TMC5: variants seen among roughly 807,000 people sequenced by gnomAD.
TMC5 encodes transmembrane channel-like protein 5.
Under a neutral mutation model 110.5 loss-of-function variants are expected in TMC5, and 86 were observed. That is an observed-to-expected ratio of 0.78 (90% CI 0.65 to 0.93). The LOEUF (loss-of-function observed/expected upper bound fraction) is 0.93, where lower values mean the gene tolerates loss of function less well. TMC5 is among the 40% of genes least tolerant of loss of function. TMC5 has a pLI of 0.00. For synonymous variants in TMC5, 455 were observed against 439.5 expected (o/e 1.04, Z -0.44); for missense variants, 1,144 against 1,222.8 (o/e 0.94, Z 0.96).
At chr16:19,441,687 G>C (rs374846424) in intron 3 of TMC5, among the ~76,000 whole-genome samples, 39 of 152,230 alleles carry the variant, frequency 2.6e-4, no homozygotes, top group African/African-American at 8.9e-4. Flanking sequence ...CTGCAGATTT[G>C]ATTCACTGAT....
intron 1 of TMC5, chr16:19,411,187 T>G (rs1484243579): frequency 1.3e-5 from 2 of 152,240 alleles, no homozygotes; most frequent in Admixed American, 6.5e-5. Context: ...GTAAGTTTTT[T>G]ATCTGAGCAG....
intron 2 of TMC5, among the ~76,000 whole-genome samples, chr16:19,430,922 G>A (rs940509810): frequency 4.1e-5 from 6 of 145,482 alleles, no homozygotes; most frequent in Admixed American, 3.5e-4. Context: ...GCAGTGGCAC[G>A]GTCTCAGCTC....
intron 5 of TMC5, chr16:19,456,903 G>A: frequency 6.2e-7 from 1 of 1,614,210 alleles, no homozygotes; most frequent in Non-Finnish European, 8.5e-7. Flanking sequence ...GACCAAAAGG[G>A]TAACCAGGTG....
chr16:19,411,431 C>T (rs1246228515), intron 1 of TMC5: 1 of 152,136 alleles, frequency 6.6e-6, no homozygotes, highest in Non-Finnish European at 1.5e-5. Flanking sequence ...ATAGGGTCTC[C>T]TGGTCCTATT....
chr16:19,432,027 T>C (rs533913911), intron 2 of TMC5, among the ~76,000 whole-genome samples: 18 of 152,248 alleles, frequency 1.2e-4, no homozygotes, highest in Non-Finnish European at 2.4e-4. Context: ...GTGAGATCAT[T>C]TTGGTGGTGC....
chr16:19,489,287 A>C (rs1968826542), intron 17 of TMC5, among the ~76,000 whole-genome samples: 1 of 152,052 alleles, frequency 6.6e-6, no homozygotes, highest in Non-Finnish European at 1.5e-5. Flanking sequence ...CAGCCTCCCG[A>C]GTAGCTGGGA....
intron 2 of TMC5, among the ~76,000 whole-genome samples, chr16:19,431,533 C>G (rs1020929441): frequency 6.7e-6 from 1 of 149,194 alleles, no homozygotes; most frequent in African/African-American, 2.5e-5. Context: ...CAGGAGGGAC[C>G]TTCCATCTCA....
At chr16:19,465,984 G>T in intron 8 of TMC5, 98 bp from the exon 9 acceptor site, 1 of 1,337,990 alleles carries the variant, frequency 7.5e-7, no homozygotes. Context: ...GACTGGCCCA[G>T]GCTTCTTGTA....
intron 2 of TMC5, among the ~76,000 whole-genome samples, chr16:19,434,399 TATATATC>T: frequency 8.3e-6 from 1 of 120,344 alleles, no homozygotes. Context: ...AGATATAATA[TATATATC>T]ATATATATCT....
At chr16:19,441,245 G>A (rs538502018) in intron 3 of TMC5, among the ~76,000 whole-genome samples, 6 of 151,602 alleles carry the variant, frequency 4.0e-5, no homozygotes, top group South Asian at 2.1e-4. Context: ...ATCTAACTCC[G>A]TGAAGTCGAT....
Position 19,463,800 on chromosome 16 carries a change from C to G in TMC5, c.1261C>G (p.Leu421Val). 1 of 1,614,162 alleles carries G rather than the reference C, an allele frequency of 6.2e-7. No individual in the cohort carries two copies. The highest frequency in any genetic ancestry group is 8.5e-7 in the Non-Finnish European group (1 of 1,179,998). ...SRAYRRSKNS[L>V]SEILNSISLW... is the part of the protein sequence containing the mutation. ...GGCTTATCGGAGATCCAAGAACAGC[C>G]TGTCGGAAATTCTGAATTCCATCAG... Residue 421 changes from leucine to valine, a missense_variant, in exon 8 of 22, where the codon CTG becomes GTG. Transcript: ENST00000542583.
intron 2 of TMC5, among the ~76,000 whole-genome samples, chr16:19,432,862 TATCTA>T (rs1181144766): frequency 6.6e-6 from 1 of 152,210 alleles, no homozygotes; most frequent in Non-Finnish European, 1.5e-5. Context: ...TTTATCTGTC[TATCTA>T]ATCTATGTGT....
chr16:19,474,894 G>A (rs199599253), intron 12 of TMC5: 1 of 152,244 alleles, frequency 6.6e-6, no homozygotes, highest in East Asian at 1.9e-4. Flanking sequence ...GGTACCCACT[G>A]CCTCAGGCGG....
At chr16:19,442,008 G>T (rs977471985) in intron 3 of TMC5, among the ~76,000 whole-genome samples, 3 of 152,096 alleles carry the variant, frequency 2.0e-5, no homozygotes, top group Non-Finnish European at 4.4e-5. Flanking sequence ...TCTCCACGTT[G>T]GTCAGGCTGG....
In TMC5 at chr16:19,479,476, A is replaced by C. The variant is rs770960643; in HGVS notation, c.2215A>C (p.Met739Leu). ...IGQDIYRLLL[M>L]DFVFSLVNSF... is the part of the protein sequence containing the mutation. ...CCAGGACATCTACCGGCTCCTTCTG[A>C]TGGATTTTGTGTTCTCTTTAGTCAA... Residue 739 changes from methionine (M) to leucine (L), a missense_variant, in exon 14 of 22, where the codon ATG becomes CTG. Transcript: ENST00000542583. The C allele has an allele frequency of 2.4e-5, 38 of 1,613,766 alleles. No homozygotes were observed. The South Asian group carries it at 3.4e-4, about 14-fold the overall frequency.
rs1966855881 is a variant in TMC5, at chr16:19,411,576, A to G, written c.-308+400A>G. ...TCTAATCCAGGTCCCACCATTTCTCAGAAGGGTGAACTTGGGTTTGCCACT... is the reference window on the plus strand; with the variant it reads ...TCTAATCCAGGTCCCACCATTTCTCGGAAGGGTGAACTTGGGTTTGCCACT... On this transcript the variant is annotated intron_variant, in intron 1 of 20. Coordinates refer to the TMC5 transcript ENST00000381414. The G allele has an allele frequency of 1.3e-5, 2 of 152,212 alleles. 1 individual carries two copies. The highest frequency in any genetic ancestry group is 4.1e-4 in the South Asian group (2 of 4,828). The allele number at this position is 152,212 out of a possible 1,614,324, so 9.4% of individuals were successfully genotyped here.
rs770810667 is a variant in TMC5, at chr16:19,472,057, A to G, written c.1783-31A>G. On this transcript the variant is annotated intron_variant, in intron 10 of 21. Coordinates refer to ENST00000542583, the MANE Select transcript of TMC5 (RefSeq NM_001261841.2). ...ATTACAGGCGTGAGCCACCATGCCC[A>G]GCCATAAACTTGACTTTCTTATGTT... The G allele has an allele frequency of 6.8e-6, 11 of 1,606,720 alleles. 1 individual carries two copies. In the South Asian group the frequency reaches 1.2e-4, roughly 18 times the overall value.
intron 20 of TMC5, among the ~76,000 whole-genome samples, chr16:19,496,804 C>A (rs1181344320): frequency 6.9e-6 from 1 of 145,724 alleles, no homozygotes; most frequent in Non-Finnish European, 1.5e-5. Context: ...GCGGGAAAAT[C>A]GCTGGAACCC....
chr16:19,464,678 G>C (rs936598425), intron 8 of TMC5, among the ~76,000 whole-genome samples: 3 of 151,492 alleles, frequency 2.0e-5, no homozygotes, highest in African/African-American at 7.3e-5. Flanking sequence ...GCATTTTCTT[G>C]TGTTGGTGTT....
Sources: gnomAD v4.1 joint callset for allele counts (sites outside exome capture counted in the v4.1 genomes callset) on GRCh38, gnomAD v4.1.1 for gene constraint, MANE v1.5 for transcripts, NCBI Gene and HGNC (gene_info 2026-07-23, HGNC 2026-07-21) for gene names.